Variants in ADGRB3 observed in about 807,000 individuals in gnomAD.
The protein encoded by ADGRB3 is brain-specific angiogenesis inhibitor 3.
Under a neutral mutation model 193.4 loss-of-function variants are expected in ADGRB3, and 37 were observed. The ratio of observed to expected loss-of-function variants is 0.19; its 90% CI spans 0.15 to 0.25. ADGRB3 has a LOEUF of 0.25. Ranked by LOEUF, ADGRB3 falls within the 10% of genes least tolerant of loss-of-function variation. The probability of loss-of-function intolerance (pLI) is 1.00; values close to 1 mark genes in which losing one functional copy is unlikely to be tolerated. For synonymous variants in ADGRB3, 690 were observed against 644.2 expected (o/e 1.07, Z -1.08); for missense variants, 1,637 against 1,852.9 (o/e 0.88, Z 2.14).
At chr6:69,152,977 A>G (rs915834949) in intron 17 of ADGRB3, among the ~76,000 whole-genome samples, 3 of 152,172 alleles carry the variant, frequency 2.0e-5, no homozygotes, top group African/African-American at 4.8e-5. Context: ...TGTTTAAGTC[A>G]TAGTGTTAAG....
At chr6:69,283,559 G>A (rs532415022) in intron 20 of ADGRB3, among the ~76,000 whole-genome samples, 3 of 151,998 alleles carry the variant, frequency 2.0e-5, no homozygotes, top group Admixed American at 6.6e-5. Context: ...TTGTGACAGC[G>A]TGAACTTTGG....
intron 20 of ADGRB3, among the ~76,000 whole-genome samples, chr6:69,294,325 T>C (rs183626605): frequency 6.1e-4 from 93 of 152,248 alleles, no homozygotes; most frequent in East Asian, 6.0e-3. Context: ...TTCTAACACA[T>C]GCACATTTCA....
chr6:69,180,346 C>G (rs1199525744), intron 17 of ADGRB3, among the ~76,000 whole-genome samples: 1 of 152,156 alleles, frequency 6.6e-6, no homozygotes, highest in East Asian at 1.9e-4. Flanking sequence ...TCTTGCACCA[C>G]AATCTATGCA....
intron 3 of ADGRB3, among the ~76,000 whole-genome samples, chr6:68,753,612 A>G (rs1161948673): frequency 6.6e-6 from 1 of 152,124 alleles, no homozygotes; most frequent in Non-Finnish European, 1.5e-5. Context: ...TGTGTTCTTT[A>G]ATAGAGAGGG....
chr6:68,661,361 GTGTA>G (rs1428343174), intron 3 of ADGRB3, among the ~76,000 whole-genome samples: 4 of 106,550 alleles, frequency 3.8e-5, no homozygotes, highest in East Asian at 2.4e-4. Flanking sequence ...GTGTGTGTGT[GTGTA>G]TATATATGTG....
At chr6:68,646,247 C>T (rs1362583435) in intron 3 of ADGRB3, among the ~76,000 whole-genome samples, 2 of 151,658 alleles carry the variant, frequency 1.3e-5, no homozygotes, top group Admixed American at 6.6e-5. Context: ...GAGGCCGAGG[C>T]GGGTGGATCA....
chr6:69,318,611 G>A (rs1014952090), intron 20 of ADGRB3, among the ~76,000 whole-genome samples: 1 of 151,352 alleles, frequency 6.6e-6, no homozygotes, highest in African/African-American at 2.4e-5. Flanking sequence ...CTTTGACCCG[G>A]AAATGGTAAT....
At position 68,639,043 on chromosome 6, in the gene ADGRB3, A is replaced by G; in HGVS notation, c.368A>G (p.Tyr123Cys). 6.2e-7 allele frequency: 1 copy of G among 1,613,602 alleles called. No individual in the cohort carries two copies. Among genetic ancestry groups the G allele is most frequent in the Non-Finnish European group, 8.5e-7 (1 of 1,179,862 alleles). ...AAGAATGCTTTCGTTTTTCTACAGT[A>G]TGATAAAAATTTTATTCAAATACGT... The part of the protein sequence containing the change: ...NSKNAFVFLQ[Y>C]DKNFIQIRRV... The change falls in exon 3 of 32, where the codon TAT (tyrosine) becomes TGT (cysteine). Residue 123 changes from tyrosine to cysteine, a missense_variant. By Grantham distance (194) the Tyr-to-Cys change is radical (BLOSUM62 -2). This residue lies in a region of ADGRB3 where 365 missense variants were observed against 409.8 expected (regional missense o/e 0.89). Coordinates refer to ENST00000370598, the MANE Select transcript of ADGRB3 (RefSeq NM_001704.3).
At chr6:69,362,933 CAT>C (rs1769483379) in intron 29 of ADGRB3, among the ~76,000 whole-genome samples, 2 of 151,940 alleles carry the variant, frequency 1.3e-5, no homozygotes. Context: ...AATAACATAA[CAT>C]TATAAGTAAT....
intron 3 of ADGRB3, among the ~76,000 whole-genome samples, chr6:68,707,378 A>G (rs992338159): frequency 1.3e-5 from 2 of 152,106 alleles, no homozygotes; most frequent in African/African-American, 2.4e-5. Flanking sequence ...CTTTTCGGCA[A>G]TATGTCCTGT....
intron 3 of ADGRB3, among the ~76,000 whole-genome samples, chr6:68,666,898 C>T (rs1166559578): frequency 6.6e-6 from 1 of 151,510 alleles, no homozygotes; most frequent in Non-Finnish European, 1.5e-5. Flanking sequence ...GTTTTGTACT[C>T]TCTGAAAAAA....
chr6:68,722,436 C>T (rs7753280), intron 3 of ADGRB3, among the ~76,000 whole-genome samples: 61,980 of 151,352 alleles, frequency 0.41, 13,355 homozygotes, highest in African/African-American at 0.54. Flanking sequence ...ATGTGACAAA[C>T]CTGCACTTTC....
chr6:69,367,758 A>G (rs1175635937), intron 29 of ADGRB3, among the ~76,000 whole-genome samples: 2 of 152,050 alleles, frequency 1.3e-5, no homozygotes, highest in Admixed American at 6.6e-5. Flanking sequence ...ATGTCCAACA[A>G]TGATAGACTG....
intron 3 of ADGRB3, among the ~76,000 whole-genome samples, chr6:68,764,135 T>C (rs1210256325): frequency 6.6e-6 from 1 of 152,172 alleles, no homozygotes; most frequent in Non-Finnish European, 1.5e-5. Flanking sequence ...TATCAAATTT[T>C]TGTCCACAAT....
Position 69,127,017 on chromosome 6 carries a change from G to A in ADGRB3, c.2480+50979G>A, listed in dbSNP as rs538102618. Among the ~76,000 whole-genome samples the A allele has an allele frequency of 2.4e-4, 36 of 152,322 alleles. No individual in the cohort carries two copies. In the South Asian group the frequency reaches 7.1e-3, roughly 30 times the overall value. On this transcript the variant is annotated intron_variant, in intron 17 of 31. Coordinates refer to ENST00000370598, the MANE Select transcript of ADGRB3 (RefSeq NM_001704.3). ...GGTATAGGAAATTGAGATTGGGTTG[G>A]AAGCTGGAGAGAGAAGAGAACTTTT... is the stretch of plus-strand genomic sequence containing the variant.
intron 3 of ADGRB3, among the ~76,000 whole-genome samples, chr6:68,844,713 C>T (rs1050777970): frequency 6.6e-6 from 1 of 152,090 alleles, no homozygotes; most frequent in Non-Finnish European, 1.5e-5. Context: ...GGGAAGCAAC[C>T]TATGTGTCCC....
intron 20 of ADGRB3, among the ~76,000 whole-genome samples, chr6:69,315,037 C>T (rs1297848173): frequency 6.6e-6 from 1 of 151,404 alleles, no homozygotes; most frequent in East Asian, 1.9e-4. Context: ...GTGATTTGAA[C>T]AATAAAGGCT....
At chr6:69,309,961 C>T (rs1253097626) in intron 20 of ADGRB3, among the ~76,000 whole-genome samples, 5 of 151,594 alleles carry the variant, frequency 3.3e-5, no homozygotes, top group Non-Finnish European at 1.5e-5. Context: ...CCTTCCTTCT[C>T]CACCCTTCCC....
chr6:68,743,842 T>A (rs529044045), intron 3 of ADGRB3, among the ~76,000 whole-genome samples: 1 of 152,114 alleles, frequency 6.6e-6, no homozygotes, highest in Non-Finnish European at 1.5e-5. Context: ...GTTAATTAAA[T>A]AACAGAAATT....
Sources: allele counts gnomAD v4.1 joint callset (sites outside exome capture counted in the v4.1 genomes callset), GRCh38; gene constraint gnomAD v4.1.1; regional missense constraint gnomAD v4.1.1; transcripts MANE v1.5; gene names NCBI Gene and HGNC (gene_info 2026-07-23, HGNC 2026-07-21).